The following EXOC3L2 variants were observed in gnomAD, a reference collection of about 807,000 sequenced individuals.
EXOC3L2 encodes the protein exocyst complex component 3-like protein 2.
A neutral mutation model predicts 44.4 loss-of-function variants in EXOC3L2; 17 were observed. That is an observed-to-expected ratio of 0.38 (90% CI 0.26 to 0.57). EXOC3L2 has a LOEUF of 0.57. Among genes scored for constraint, EXOC3L2 ranks in the 20% least tolerant of loss-of-function variants. The pLI, the probability that EXOC3L2 is intolerant of heterozygous loss-of-function variation, is 0.65. For missense variants in EXOC3L2, 541 were observed against 588.4 expected, an observed-to-expected ratio of 0.92 and a Z score of 0.83; for synonymous variants, 256 against 253.7, an observed-to-expected ratio of 1.01 and a Z score of -0.09.
chr19:45,212,896 G>C lies in EXOC3L2; in HGVS notation c.*173C>G. On this transcript the variant is annotated 3_prime_UTR_variant, in exon 12 of 12. Coordinates refer to ENST00000413988, the MANE Select transcript of EXOC3L2 (RefSeq NM_001382422.1). Reference sequence around the variant, plus strand: ...ATTACAGGCATGAGCCACCGTGCCTGGCGTTTGTTTCCCTTCTGTACAGGG... The same window carrying C: ...ATTACAGGCATGAGCCACCGTGCCTCGCGTTTGTTTCCCTTCTGTACAGGG... The C allele has an allele frequency of 1.5e-6, 1 of 671,042 alleles. No homozygotes were observed. Among genetic ancestry groups the C allele is most frequent in the Non-Finnish European group, 2.2e-6 (1 of 444,516 alleles). The allele number at this position is 671,042 out of a possible 1,614,324, so 41.6% of individuals were successfully genotyped here.
At chr19:45,226,599 G>C (rs1969963025) in intron 7 of EXOC3L2, among the ~76,000 whole-genome samples, 1 of 151,870 alleles carries the variant, frequency 6.6e-6, no homozygotes, top group Admixed American at 6.6e-5. Context: ...ATCATGCCCA[G>C]CTAATTTTTG....
At chr19:45,243,367 G>A (rs1026704607) in intron 1 of EXOC3L2, among the ~76,000 whole-genome samples, 2 of 152,172 alleles carry the variant, frequency 1.3e-5, no homozygotes, top group African/African-American at 4.8e-5. Context: ...TGTGCAAAAG[G>A]CCTGGGTTGC....
intron 4 of EXOC3L2, among the ~76,000 whole-genome samples, chr19:45,229,900 A>G (rs1364594284): frequency 6.7e-6 from 1 of 148,730 alleles, no homozygotes; most frequent in African/African-American, 2.5e-5. Context: ...ATATTATTGT[A>G]TATTATTTAT....
At chr19:45,223,583 T>A (rs1426108015) in intron 8 of EXOC3L2, among the ~76,000 whole-genome samples, 2 of 149,196 alleles carry the variant, frequency 1.3e-5, no homozygotes, top group Non-Finnish European at 3.0e-5. Context: ...CCTCAAGTGA[T>A]CCGCCCACCT....
At chr19:45,219,087 A>G (rs184036419) in intron 8 of EXOC3L2, among the ~76,000 whole-genome samples, 16 of 152,158 alleles carry the variant, frequency 1.1e-4, no homozygotes, top group African/African-American at 3.9e-4. Flanking sequence ...GTGGCGTGCA[A>G]CTGTAGTTCC....
At chr19:45,223,168 T>A (rs1969916316) in intron 8 of EXOC3L2, among the ~76,000 whole-genome samples, 1 of 152,006 alleles carries the variant, frequency 6.6e-6, no homozygotes, top group Admixed American at 6.6e-5. Flanking sequence ...GGTGGGCAGA[T>A]CACGAGGTCA....
intron 1 of EXOC3L2, among the ~76,000 whole-genome samples, chr19:45,244,925 A>G (rs1287010852): frequency 6.6e-6 from 1 of 150,592 alleles, no homozygotes; most frequent in Non-Finnish European, 1.5e-5. Context: ...CTTGATCTCA[A>G]TCCCTACCTG....
chr19:45,216,041 C>A (rs765623086), intron 11 of EXOC3L2, 32 bp downstream of exon 11: 1 of 1,610,054 alleles, frequency 6.2e-7, no homozygotes, highest in Non-Finnish European at 8.5e-7. Flanking sequence ...CGGCCAGGCA[C>A]GGCGAGCCCT....
rs572550902 is a variant in EXOC3L2, at chr19:45,220,959, G to A, written c.1720-2640C>T. On this transcript the variant is annotated intron_variant, in intron 8 of 11. Coordinates refer to ENST00000413988, the MANE Select transcript of EXOC3L2 (RefSeq NM_001382422.1). ...ATGAAGTGAGTGACCACCACCTGTG[G>A]GGAGGGAAGGGAGGTATCTGGAGGA... Among the ~76,000 whole-genome samples, 5 of 151,832 alleles carry A rather than the reference G, an allele frequency of 3.3e-5. No homozygotes were observed. In the South Asian group the frequency reaches 8.4e-4, roughly 25 times the overall value.
chr19:45,218,164 A>AC (rs1177947696), intron 9 of EXOC3L2, 33 bp downstream of exon 9: 2 of 409,836 alleles, frequency 4.9e-6, no homozygotes, highest in Non-Finnish European at 6.8e-6. Flanking sequence ...CTTTTCCCCC[A>AC]CCCCCACCTC....
chr19:45,240,760 C>T (rs917111292), intron 1 of EXOC3L2, among the ~76,000 whole-genome samples: 19 of 151,948 alleles, frequency 1.3e-4, no homozygotes, highest in African/African-American at 4.1e-4. Flanking sequence ...AAAAATTAGC[C>T]GGGCGTGGTG....
intron 1 of EXOC3L2, among the ~76,000 whole-genome samples, chr19:45,241,477 C>CAA (rs554632176): frequency 0.015 from 1,417 of 94,742 alleles, 33 homozygotes; most frequent in African/African-American, 0.058. Context: ...GACTCCATCT[C>CAA]AAAAAAAAAA....
intron 9 of EXOC3L2, 70 bp downstream of exon 9, chr19:45,218,127 C>G: frequency 1.4e-6 from 2 of 1,392,506 alleles, no homozygotes; most frequent in Non-Finnish European, 1.9e-6. Flanking sequence ...CCCCTCTTCC[C>G]GTCCCTTTCC....
intron 8 of EXOC3L2, among the ~76,000 whole-genome samples, chr19:45,220,654 G>A (rs945963311): frequency 3.9e-5 from 6 of 152,048 alleles, no homozygotes; most frequent in Non-Finnish European, 7.3e-5. Flanking sequence ...CCAGGCATAA[G>A]ACAGGGAGGG....
chr19:45,213,707 G>C (rs533988892), intron 11 of EXOC3L2, among the ~76,000 whole-genome samples: 87 of 152,124 alleles, frequency 5.7e-4, no homozygotes, highest in African/African-American at 2.0e-3. Flanking sequence ...CACTTTGGGG[G>C]GCCAAGGCAG....
In EXOC3L2 at chr19:45,234,464, C is replaced by T; in HGVS notation, c.886G>A (p.Ala296Thr). The change falls in exon 3 of 12, where the codon GCG (alanine) becomes ACG (threonine). Residue 296 changes from alanine (A) to threonine (T), a missense_variant. Physicochemically the swap from Ala to Thr is moderately conservative, Grantham distance 58 (BLOSUM62 0). Coordinates refer to ENST00000413988, the MANE Select transcript of EXOC3L2 (RefSeq NM_001382422.1). This position sits in a 1 kb window ranked among gnomAD's most constrained non-coding sequence, Gnocchi z 5.0. Reference sequence around the variant, plus strand: ...GCTGCCTCTAGGCGCTCCCGGGCCGCGCGCGCCACGGCTTCGGCCCAGCGT... The same window carrying T: ...GCTGCCTCTAGGCGCTCCCGGGCCGTGCGCGCCACGGCTTCGGCCCAGCGT... Reference protein sequence around the residue: ...RARWAEAVARAARERLEAAAP... With the variant: ...RARWAEAVARTARERLEAAAP... 1 of 254,030 alleles carries T rather than the reference C, an allele frequency of 3.9e-6. No individual in the cohort carries two copies. Among genetic ancestry groups the T allele is most frequent in the Non-Finnish European group, 7.5e-6 (1 of 132,994 alleles). The allele number at this position is 254,030 out of a possible 1,614,324, so 15.7% of individuals were successfully genotyped here.
At chr19:45,243,837 C>T (rs1970148974) in intron 1 of EXOC3L2, among the ~76,000 whole-genome samples, 1 of 152,030 alleles carries the variant, frequency 6.6e-6, no homozygotes, top group South Asian at 2.1e-4. Flanking sequence ...ACCATATTGG[C>T]CAGGCTGGTC....
At chr19:45,244,212 C>T (rs1970152078) in intron 1 of EXOC3L2, among the ~76,000 whole-genome samples, 1 of 152,100 alleles carries the variant, frequency 6.6e-6, no homozygotes, top group South Asian at 2.1e-4. Context: ...TGAGCCACCA[C>T]ACCCAGCCTT....
chr19:45,217,662 G>A lies in EXOC3L2; in HGVS notation c.1864C>T (p.Arg622Trp), dbSNP rs927665393. ...PYQALVAELH[R>W]RALVEYVRPL... ...CGCACGTACTCGACCAGCGCCCGCC[G>A]GTGTAGCTCGGCTACCAGCGCCTGG... Residue 622 changes from arginine to tryptophan, a missense_variant, in exon 10 of 12, where the codon CGG becomes TGG. Physicochemically the swap from Arg to Trp is moderately radical, Grantham distance 101. Transcript: ENST00000413988. The A allele has an allele frequency of 7.1e-7, 1 of 1,410,974 alleles. No individual in the cohort carries two copies. Among genetic ancestry groups the A allele is most frequent in the Non-Finnish European group, 9.2e-7 (1 of 1,090,478 alleles). 87.4% of individuals were successfully genotyped at this position (1,410,974 alleles called of 1,614,324 possible).
Sources: allele counts gnomAD v4.1 joint callset (sites outside exome capture counted in the v4.1 genomes callset), GRCh38; gene constraint gnomAD v4.1.1; non-coding constraint Gnocchi (gnomAD v3.1); transcripts MANE v1.5; gene names NCBI Gene and HGNC (gene_info 2026-07-23, HGNC 2026-07-21).